Variants in PCP2 observed in about 807,000 individuals in gnomAD.
The protein encoded by PCP2 is Purkinje cell protein 2 homolog.
A neutral mutation model predicts 18.3 loss-of-function variants in PCP2; 21 were observed. The observed-to-expected ratio is 1.14, with a 90% CI of 0.81 to 1.65. The LOEUF is 1.65. PCP2 is among the 40% of genes most tolerant of loss of function. PCP2 has a pLI of 0.00. For missense variants in PCP2, 202 were observed against 201.8 expected (o/e 1.00, Z 0.00); for synonymous variants, 85 against 77.6 (o/e 1.10, Z -0.50).
Position 7,632,664 on chromosome 19 carries a change from C to T in PCP2, c.166+52G>A, listed in dbSNP as rs907823099. ...GCCCTCCAGATGACCACTTGCCCTGCACTCCCACCCCGTTCACGCCCCATG... is the reference window on the plus strand; with the variant it reads ...GCCCTCCAGATGACCACTTGCCCTGTACTCCCACCCCGTTCACGCCCCATG... On this transcript the variant is annotated intron_variant, in intron 2 of 3. Transcript: ENST00000311069. This position sits in a 1 kb window ranked among gnomAD's most constrained non-coding sequence, Gnocchi z 5.2. The T allele has an allele frequency of 1.9e-6, 3 of 1,553,208 alleles. No homozygotes were observed. Among genetic ancestry groups the T allele is most frequent in the Admixed American group, 3.8e-5 (2 of 52,698 alleles).
Position 7,632,675 on chromosome 19 carries a change from C to T in PCP2, c.166+41G>A, listed in dbSNP as rs753731727. On this transcript the variant is annotated intron_variant, in intron 2 of 3. Coordinates refer to ENST00000311069, the MANE Select transcript of PCP2 (RefSeq NM_174895.3). The surrounding 1 kb of genome is among the most constrained non-coding windows in gnomAD (Gnocchi z 5.2). ...GACCACTTGCCCTGCACTCCCACCC[C>T]GTTCACGCCCCATGGACAGCACCCC... The T allele has an allele frequency of 2.4e-5, 37 of 1,548,984 alleles. No homozygotes were observed. The highest frequency in any genetic ancestry group is 5.8e-5 in the South Asian group (5 of 85,748).
chr19:7,634,551 A>G (rs971216897), upstream of PCP2, among the ~76,000 whole-genome samples: 6 of 152,236 alleles, frequency 3.9e-5, no homozygotes, highest in African/African-American at 1.4e-4. Context: ...ATATTTTTAT[A>G]TAGAGATGAG....
At position 7,632,650 on chromosome 19, in the gene PCP2, G is replaced by A; in HGVS notation, c.166+66C>T. 1 of 1,560,264 alleles carries A rather than the reference G, an allele frequency of 6.4e-7. No homozygotes were observed. Among genetic ancestry groups the A allele is most frequent in the South Asian group, 1.1e-5 (1 of 87,606 alleles). On this transcript the variant is annotated intron_variant, in intron 2 of 3. Transcript: ENST00000311069. The surrounding 1 kb of genome is among the most constrained non-coding windows in gnomAD (Gnocchi z 5.2). ...TCCCGTGCCCCCAGGCCCTCCAGAT[G>A]ACCACTTGCCCTGCACTCCCACCCC... is the stretch of plus-strand genomic sequence containing the variant.
In PCP2 at chr19:7,631,816, T is replaced by A. The variant is rs368020640; in HGVS notation, c.292-8A>T. ...TCGTTTCTGTGCTCCGTCCTGTGGA[T>A]GAAGAGGGGTCAGCCAGGGGGAGGG... On this transcript the variant is annotated splice_region_variant and splice_polypyrimidine_tract_variant and intron_variant, in intron 3 of 3. Transcript: ENST00000311069. 1 of 1,388,024 alleles carries A rather than the reference T, an allele frequency of 7.2e-7. No individual in the cohort carries two copies. Among genetic ancestry groups the A allele is most frequent in the African/African-American group, 1.5e-5 (1 of 67,600 alleles). The allele number at this position is 1,388,024 out of a possible 1,614,324, so 86.0% of individuals were successfully genotyped here.
rs1476005013 is a variant in PCP2 at position 7,632,969 on chromosome 19, C to T, written c.52-139G>A. On this transcript the variant is annotated intron_variant, in intron 1 of 3. Transcript: ENST00000311069. This position sits in a 1 kb window ranked among gnomAD's most constrained non-coding sequence, Gnocchi z 5.2. ...AGCTCTCACCATGGTCCCCGCCGAT[C>T]CTCTCTGCAGAGCTGTTCTGAATGA... is the stretch of plus-strand genomic sequence containing the variant. 4.1e-6 allele frequency: 6 copies of T among 1,468,316 alleles called. No homozygotes were observed. Among genetic ancestry groups the T allele is most frequent in the Non-Finnish European group, 4.5e-6 (5 of 1,112,504 alleles). The allele number at this position is 1,468,316 out of a possible 1,614,324, so 91.0% of individuals were successfully genotyped here.
Position 7,632,159 on chromosome 19 carries a change from C to A in PCP2, c.291+234G>T. On this transcript the variant is annotated intron_variant, in intron 3 of 3. Transcript: ENST00000311069. The surrounding 1 kb of genome is among the most constrained non-coding windows in gnomAD (Gnocchi z 5.2). ...CTCCCTTTGGCCTCCCCAGAACCTT[C>A]AGACTTGGGGGCAGGAGCCACAAGT... The A allele has an allele frequency of 1.5e-6, 1 of 673,122 alleles. No individual in the cohort carries two copies. The highest frequency in any genetic ancestry group is 2.4e-6 in the Non-Finnish European group (1 of 409,800). 41.7% of individuals were successfully genotyped at this position (673,122 alleles called of 1,614,324 possible).
upstream of PCP2, chr19:7,636,857 G>A (rs1268944817): frequency 5.5e-6 from 2 of 364,088 alleles, no homozygotes; most frequent in African/African-American, 4.2e-5. Context: ...ATTGCCCTGC[G>A]ATCCTGCTTC....
upstream of PCP2, among the ~76,000 whole-genome samples, chr19:7,634,155 C>T (rs950004178): frequency 1.3e-5 from 2 of 152,216 alleles, no homozygotes; most frequent in Non-Finnish European, 2.9e-5. Flanking sequence ...CCTCTATCAC[C>T]CTAGCCCCAG....
rs111846416 is a variant in PCP2 at position 7,632,341 on chromosome 19, G to A, written c.291+52C>T. 6.6e-4 allele frequency: 1,059 copies of A among 1,606,732 alleles called. 11 individuals are homozygous for A. In the African/African-American group the frequency reaches 0.011, roughly 16 times the overall value. ...CCTGGCTGGGGTGGAGGGCAGGATCGGAGAGCACTGCCTGGCGGGTTTCTC... is the reference window on the plus strand; with the variant it reads ...CCTGGCTGGGGTGGAGGGCAGGATCAGAGAGCACTGCCTGGCGGGTTTCTC... On this transcript the variant is annotated intron_variant, in intron 3 of 3. Coordinates refer to ENST00000311069, the MANE Select transcript of PCP2 (RefSeq NM_174895.3). This position sits in a 1 kb window ranked among gnomAD's most constrained non-coding sequence, Gnocchi z 5.2.
chr19:7,635,513 A>T (rs1006957596), upstream of PCP2, among the ~76,000 whole-genome samples: 3 of 152,114 alleles, frequency 2.0e-5, no homozygotes, highest in African/African-American at 7.2e-5. Context: ...TGGGCAACAT[A>T]GGGAGATCCT....
Position 7,633,648 on chromosome 19 carries a change from C to T in PCP2, c.-191G>A, listed in dbSNP as rs2031429123. ...AGATAATTGTTTGCCCACAACGATGCTGGATCTGGCATGGTGGGTAGGGGG... is the reference window on the plus strand; with the variant it reads ...AGATAATTGTTTGCCCACAACGATGTTGGATCTGGCATGGTGGGTAGGGGG... On this transcript the variant is annotated 5_prime_UTR_variant, in exon 1 of 4. Transcript: ENST00000311069. 1 of 612,488 alleles carries T rather than the reference C, an allele frequency of 1.6e-6. No homozygotes were observed. The highest frequency in any genetic ancestry group is 2.8e-6 in the Non-Finnish European group (1 of 353,202). 37.9% of individuals were successfully genotyped at this position (612,488 alleles called of 1,614,324 possible). A position where few individuals can be genotyped will look rare whatever the true frequency, so the allele number is the denominator to read the frequency against.
chr19:7,635,248 A>G (rs998796688), upstream of PCP2, among the ~76,000 whole-genome samples: 3 of 152,200 alleles, frequency 2.0e-5, no homozygotes, highest in African/African-American at 7.2e-5. Flanking sequence ...TCTTGAGAAG[A>G]CAAAACCCAA....
chr19:7,636,982 C>A, upstream of PCP2: 1 of 715,390 alleles, frequency 1.4e-6, no homozygotes, highest in Non-Finnish European at 1.9e-6. Flanking sequence ...GTCCTCCCCG[C>A]CAGGGACTCA....
In PCP2 at chr19:7,632,868, C is replaced by CT. The variant is rs2031385425; in HGVS notation, c.52-39dup. ...TCGCTCAGTCTGGTTGGCCCTTCAG[C>CT]TTGGGGGCCCCTCCCCAAACTTCCT... is the stretch of plus-strand genomic sequence containing the variant. On this transcript the variant is annotated intron_variant, in intron 1 of 3. Transcript: ENST00000311069. This position sits in a 1 kb window ranked among gnomAD's most constrained non-coding sequence, Gnocchi z 5.2. 10 of 1,536,334 alleles carry CT rather than the reference C, an allele frequency of 6.5e-6. No individual in the cohort carries two copies. The highest frequency in any genetic ancestry group is 8.7e-6 in the Non-Finnish European group (10 of 1,143,946).
chr19:7,636,729 T>G (rs1334417061), upstream of PCP2: 1 of 177,916 alleles, frequency 5.6e-6, no homozygotes, highest in Non-Finnish European at 1.2e-5. Context: ...CTCTAAACCC[T>G]GAAGTACAGA....
At chr19:7,633,756 G>A (rs2031432647), upstream of PCP2, 3 of 452,032 alleles carry the variant, frequency 6.6e-6, no homozygotes, top group South Asian at 6.6e-5. Flanking sequence ...GTCACAAAAG[G>A]CCTGAGCAGC....
upstream of PCP2, among the ~76,000 whole-genome samples, chr19:7,635,453 G>A (rs144035711): frequency 4.0e-3 from 609 of 152,322 alleles, 3 homozygotes; most frequent in Non-Finnish European, 5.2e-3. Context: ...CTAACACTTT[G>A]GGAGGCCAAG....
At position 7,632,674 on chromosome 19, in the gene PCP2, C is replaced by T; in HGVS notation, c.166+42G>A. 1 of 1,548,992 alleles carries T rather than the reference C, an allele frequency of 6.5e-7. No individual in the cohort carries two copies. The highest frequency in any genetic ancestry group is 1.7e-4 in the Middle Eastern group (1 of 5,920). On this transcript the variant is annotated intron_variant, in intron 2 of 3. Transcript: ENST00000311069. The surrounding 1 kb of genome is among the most constrained non-coding windows in gnomAD (Gnocchi z 5.2). ...TGACCACTTGCCCTGCACTCCCACC[C>T]CGTTCACGCCCCATGGACAGCACCC...
At chr19:7,631,939 C>T (rs2031329137) in intron 3 of PCP2, 131 bp from the exon 4 acceptor site, 1 of 949,874 alleles carries the variant, frequency 1.1e-6, no homozygotes, top group Non-Finnish European at 1.4e-6. Context: ...TATGTTTACC[C>T]TCAATATCTG....
Sources: gnomAD v4.1 joint callset for allele counts (sites outside exome capture counted in the v4.1 genomes callset) on GRCh38, gnomAD v4.1.1 for gene constraint, Gnocchi (gnomAD v3.1) non-coding constraint, MANE v1.5 for transcripts, NCBI Gene and HGNC (gene_info 2026-07-23, HGNC 2026-07-21) for gene names.